Variants in CFAP54 observed in about 807,000 individuals in gnomAD.
CFAP54 encodes the protein cilia- and flagella-associated protein 54.
Under a neutral mutation model 370.4 loss-of-function variants are expected in CFAP54, and 290 were observed. The observed-to-expected ratio is 0.78, with a 90% CI of 0.71 to 0.86. CFAP54 has a LOEUF of 0.86. Ranked by LOEUF, CFAP54 falls within the 40% of genes least tolerant of loss-of-function variation. The probability of loss-of-function intolerance (pLI) is 0.00; values close to 1 mark genes in which losing one functional copy is unlikely to be tolerated. For missense variants in CFAP54, 3,399 were observed against 3,528.7 expected (o/e 0.96, Z 0.93); for synonymous variants, 1,206 against 1,236.5 (o/e 0.98, Z 0.52).
At chr12:96,505,039 TTTTCTTCC>T (rs1428620953) in intron 3 of CFAP54, among the ~76,000 whole-genome samples, 5 of 151,498 alleles carry the variant, frequency 3.3e-5, no homozygotes, top group Admixed American at 6.6e-5. Context: ...TCTTTCTTTC[TTTTCTTCC>T]TTTCTTCCTT....
At chr12:96,614,132 G>A (rs1394020724) in intron 26 of CFAP54, among the ~76,000 whole-genome samples, 1 of 152,110 alleles carries the variant, frequency 6.6e-6, no homozygotes, top group Non-Finnish European at 1.5e-5. Context: ...CTGGCAAACG[G>A]AATCCAGCAG....
rs115535855 is a variant in CFAP54, at chr12:96,732,288, C to T, written c.6966-7668C>T. ...CTACAGGTGCACACTGTAGTGTGTGCTACTGGCTAATTTTTGTATTTTTAG... is the reference window on the plus strand; with the variant it reads ...CTACAGGTGCACACTGTAGTGTGTGTTACTGGCTAATTTTTGTATTTTTAG... On this transcript the variant is annotated intron_variant, in intron 50 of 67. Transcript: ENST00000524981. Among the ~76,000 whole-genome samples, 433 of 152,144 alleles carry T rather than the reference C, an allele frequency of 2.8e-3. 1 individual carries two copies. The highest frequency in any genetic ancestry group is 9.9e-3 in the African/African-American group (410 of 41,484).
intron 60 of CFAP54, among the ~76,000 whole-genome samples, chr12:96,778,046 TTC>T (rs1430416235): frequency 6.6e-6 from 1 of 152,246 alleles, no homozygotes; most frequent in Non-Finnish European, 1.5e-5. Context: ...CTAGGCATGC[TTC>T]TTTGAAAAGT....
rs539995279 is a variant in CFAP54 at position 96,620,873 on chromosome 12, C to T, written c.3640-717C>T. On this transcript the variant is annotated intron_variant, in intron 26 of 67. Transcript: ENST00000524981. The stretch of plus-strand genomic sequence containing the variant: ...CTCAGCTGTGGGAAGACATGAAGTC[C>T]TGTAACACAATGGTGACTGTCAGAT... Among the ~76,000 whole-genome samples, 4 of 152,326 alleles carry T rather than the reference C, an allele frequency of 2.6e-5. 1 individual carries two copies. Among genetic ancestry groups the T allele is most frequent in the African/African-American group, 9.6e-5 (4 of 41,566 alleles).
Position 96,671,966 on chromosome 12 carries a change from GAA to G in CFAP54, c.5564-7632_5564-7631del, listed in dbSNP as rs561932569. Among the ~76,000 whole-genome samples the G allele has an allele frequency of 1.9e-3, 284 of 151,356 alleles. 2 individuals are homozygous for G. Among genetic ancestry groups the G allele is most frequent in the Middle Eastern group, 0.01 (3 of 294 alleles). On this transcript the variant is annotated intron_variant, in intron 39 of 67. Coordinates refer to ENST00000524981, the MANE Select transcript of CFAP54 (RefSeq NM_001306084.2). ...AGAGAGAGAAGGAAAGAGAAAGAAA[GAA>G]AGAGAGAGAGAGAGAAAGAAAGAAA... is the stretch of plus-strand genomic sequence containing the variant.
At chr12:96,784,054 G>A (rs909379700) in intron 60 of CFAP54, among the ~76,000 whole-genome samples, 3 of 152,102 alleles carry the variant, frequency 2.0e-5, no homozygotes, top group Non-Finnish European at 2.9e-5. Flanking sequence ...CACTTTAAAT[G>A]GCTTCAAATG....
At chr12:96,713,598 T>C (rs189974646) in intron 48 of CFAP54, among the ~76,000 whole-genome samples, 8 of 152,296 alleles carry the variant, frequency 5.3e-5, no homozygotes, top group Non-Finnish European at 1.2e-4. Context: ...AAACTTGTTA[T>C]GGTAGAAAAA....
intron 65 of CFAP54, among the ~76,000 whole-genome samples, chr12:96,826,048 T>A (rs1276498993): frequency 6.9e-6 from 1 of 144,936 alleles, no homozygotes; most frequent in Non-Finnish European, 1.5e-5. Flanking sequence ...ATTATATATA[T>A]TTTATATATA....
intron 48 of CFAP54, among the ~76,000 whole-genome samples, chr12:96,713,477 G>A (rs959451984): frequency 1.3e-5 from 2 of 151,976 alleles, no homozygotes; most frequent in African/African-American, 4.8e-5. Context: ...GGCTTCCTGT[G>A]TTAATAAAAT....
chr12:96,767,374 G>A (rs533035747), intron 60 of CFAP54, among the ~76,000 whole-genome samples: 94 of 152,330 alleles, frequency 6.2e-4, no homozygotes, highest in Non-Finnish European at 1.1e-3. Flanking sequence ...CATGTTTGTT[G>A]ATCCAGTTGA....
chr12:96,566,530 G>T lies in CFAP54; in HGVS notation c.2619+1765G>T, dbSNP rs557284429. On this transcript the variant is annotated intron_variant, in intron 19 of 67. Transcript: ENST00000524981. ...TGAAGGTATGAGTTAAAAGTTTATG[G>T]CTTTAAAAACGTGGATACAGATTGA... Among the ~76,000 whole-genome samples the T allele has an allele frequency of 2.6e-5, 4 of 152,196 alleles. No individual in the cohort carries two copies. In the East Asian group the frequency reaches 7.7e-4, roughly 29 times the overall value.
At chr12:96,701,952 G>A (rs1351156854) in intron 46 of CFAP54, among the ~76,000 whole-genome samples, 2 of 152,150 alleles carry the variant, frequency 1.3e-5, no homozygotes, top group South Asian at 2.1e-4. Context: ...GGCTGTGGGT[G>A]GGCAGGGGTG....
chr12:96,704,865 A>G, intron 47 of CFAP54, 69 bp downstream of exon 47: 1 of 526,536 alleles, frequency 1.9e-6, no homozygotes, highest in Non-Finnish European at 3.3e-6. Flanking sequence ...ATTCTAATCT[A>G]TTTGGTTGAT....
chr12:96,698,805 C>T (rs141213124), intron 45 of CFAP54, among the ~76,000 whole-genome samples: 2,564 of 152,078 alleles, frequency 0.017, 38 homozygotes, highest in Non-Finnish European at 0.028. Flanking sequence ...CTGGACAAAA[C>T]GCCCAGCAAA....
At chr12:96,538,081 A>G (rs2136384882) in intron 12 of CFAP54, among the ~76,000 whole-genome samples, 1 of 129,882 alleles carries the variant, frequency 7.7e-6, no homozygotes, top group South Asian at 2.7e-4. Flanking sequence ...TGACAGAGTG[A>G]GGCCCTGTTT....
In CFAP54 at chr12:96,668,325, C is replaced by T. The variant is rs186869371; in HGVS notation, c.5563+4393C>T. Among the ~76,000 whole-genome samples the T allele has an allele frequency of 4.6e-5, 7 of 152,276 alleles. No individual in the cohort carries two copies. The East Asian group carries it at 1.4e-3, about 29-fold the overall frequency. On this transcript the variant is annotated intron_variant, in intron 39 of 67. Coordinates refer to ENST00000524981, the MANE Select transcript of CFAP54 (RefSeq NM_001306084.2). ...CCAGTTTACTGTATTAGGCCATTCT[C>T]ATGCTGCTAATAAAGACTTACCCAA... is the stretch of plus-strand genomic sequence containing the variant.
At chr12:96,515,664 G>A (rs1955222186) in intron 5 of CFAP54, among the ~76,000 whole-genome samples, 1 of 152,072 alleles carries the variant, frequency 6.6e-6, no homozygotes, top group South Asian at 2.1e-4. Flanking sequence ...ATAGACCTGG[G>A]CTCCTCATGC....
intron 9 of CFAP54, among the ~76,000 whole-genome samples, chr12:96,532,357 G>A (rs572635937): frequency 1.3e-5 from 2 of 152,208 alleles, no homozygotes; most frequent in African/African-American, 4.8e-5. Flanking sequence ...GTGTGTGGGT[G>A]TGGGCACATG....
chr12:96,725,567 A>C (rs1408272771), intron 50 of CFAP54, among the ~76,000 whole-genome samples: 2 of 152,136 alleles, frequency 1.3e-5, no homozygotes. Context: ...CAGCTTAAGG[A>C]GATTTTGGGC....
Sources: gnomAD v4.1 joint callset for allele counts (sites outside exome capture counted in the v4.1 genomes callset) on GRCh38, gnomAD v4.1.1 for gene constraint, MANE v1.5 for transcripts, NCBI Gene and HGNC (gene_info 2026-07-23, HGNC 2026-07-21) for gene names.